ZCWPW2: variants seen among roughly 807,000 people sequenced by gnomAD.
ZCWPW2 encodes the protein zinc finger CW-type and PWWP domain containing 2.
ZCWPW2 carries 45 observed loss-of-function variants against 46.6 expected under a neutral mutation model. The ratio of observed to expected loss-of-function variants is 0.96; its 90% CI spans 0.76 to 1.24. ZCWPW2 has a LOEUF of 1.24. Ranked by LOEUF, ZCWPW2 falls within the 50% of genes most tolerant of loss-of-function variation. ZCWPW2 has a pLI of 0.00. For synonymous variants in ZCWPW2, 152 were observed against 137.1 expected, an observed-to-expected ratio of 1.11 and a Z score of -0.76; for missense variants, 429 against 403.9, an observed-to-expected ratio of 1.06 and a Z score of -0.53.
chr3:28,519,915 G>A (rs1447512762), intron 8 of ZCWPW2, among the ~76,000 whole-genome samples: 1 of 151,702 alleles, frequency 6.6e-6, no homozygotes, highest in African/African-American at 2.4e-5. Context: ...CAGTAGTTAA[G>A]TCTAGAGTTA....
intron 4 of ZCWPW2, among the ~76,000 whole-genome samples, chr3:28,462,809 T>A (rs1698690711): frequency 6.6e-6 from 1 of 152,188 alleles, no homozygotes; most frequent in Admixed American, 6.5e-5. Flanking sequence ...TTTCCTTGAA[T>A]TTTGTTACTC....
At chr3:28,356,855 G>A (rs1052555288) in intron 1 of ZCWPW2, among the ~76,000 whole-genome samples, 4 of 152,062 alleles carry the variant, frequency 2.6e-5, no homozygotes, top group African/African-American at 9.7e-5. Context: ...GGCCTGTCGT[G>A]GGGTGGGAGA....
At chr3:28,463,282 C>T (rs879425612) in intron 4 of ZCWPW2, among the ~76,000 whole-genome samples, 17 of 151,944 alleles carry the variant, frequency 1.1e-4, no homozygotes, top group African/African-American at 3.1e-4. Context: ...GATATAATAT[C>T]CTTTCTTGGA....
chr3:28,361,742 G>C (rs928023073), intron 1 of ZCWPW2, among the ~76,000 whole-genome samples: 3 of 152,054 alleles, frequency 2.0e-5, no homozygotes, highest in Non-Finnish European at 4.4e-5. Flanking sequence ...TTCTAAAGAA[G>C]ATATGCAGAT....
At chr3:28,516,481 C>G (rs558792312) in intron 8 of ZCWPW2, among the ~76,000 whole-genome samples, 19 of 152,064 alleles carry the variant, frequency 1.2e-4, no homozygotes, top group African/African-American at 4.6e-4. Flanking sequence ...ATGTGGAATG[C>G]AGGGAGAAAG....
chr3:28,471,440 T>C (rs1290921734), intron 4 of ZCWPW2, among the ~76,000 whole-genome samples: 2 of 152,088 alleles, frequency 1.3e-5, no homozygotes, highest in Admixed American at 6.6e-5. Flanking sequence ...GGATGCAGGA[T>C]TGGTTCAGCA....
intron 1 of ZCWPW2, among the ~76,000 whole-genome samples, chr3:28,350,645 A>G (rs1241515384): frequency 6.7e-6 from 1 of 148,932 alleles, no homozygotes; most frequent in African/African-American, 2.6e-5. Flanking sequence ...ATTTAGCTGC[A>G]AATGGTCACT....
At chr3:28,413,816 T>C (rs1696512584) in intron 3 of ZCWPW2, among the ~76,000 whole-genome samples, 2 of 152,158 alleles carry the variant, frequency 1.3e-5, no homozygotes, top group African/African-American at 4.8e-5. Context: ...AATTTAAATC[T>C]GTTGTAATCA....
At chr3:28,435,946 A>G (rs1220443613) in intron 4 of ZCWPW2, among the ~76,000 whole-genome samples, 1 of 152,172 alleles carries the variant, frequency 6.6e-6, no homozygotes, top group Non-Finnish European at 1.5e-5. Context: ...AAACTTAATT[A>G]TGGATTGCAA....
At chr3:28,466,682 C>T (rs1409752296) in intron 4 of ZCWPW2, among the ~76,000 whole-genome samples, 1 of 152,012 alleles carries the variant, frequency 6.6e-6, no homozygotes, top group African/African-American at 2.4e-5. Context: ...ACCTTTAGTC[C>T]CAGCTACTCG....
chr3:28,429,356 G>A lies in ZCWPW2; in HGVS notation c.333-5754G>A, dbSNP rs141366941. ...TGAGAGAGATGATTTAGGGTATCTG[G>A]TGGAAGAAATTTTAAGCAGCAATGT... is the stretch of plus-strand genomic sequence containing the variant. On this transcript the variant is annotated intron_variant, in intron 3 of 9. Transcript: ENST00000383768. Among the ~76,000 whole-genome samples, 390 of 152,266 alleles carry A rather than the reference G, an allele frequency of 2.6e-3. 1 individual carries two copies. Among genetic ancestry groups the A allele is most frequent in the African/African-American group, 8.5e-3 (352 of 41,550 alleles).
intron 6 of ZCWPW2, among the ~76,000 whole-genome samples, chr3:28,512,736 G>A: frequency 6.6e-6 from 1 of 151,490 alleles, no homozygotes; most frequent in East Asian, 1.9e-4. Flanking sequence ...TTCATCCATT[G>A]AATTTTAAAT....
At chr3:28,512,898 T>C (rs1700466916) in intron 6 of ZCWPW2, among the ~76,000 whole-genome samples, 1 of 152,178 alleles carries the variant, frequency 6.6e-6, no homozygotes, top group Non-Finnish European at 1.5e-5. Context: ...TACTTATTTT[T>C]AATTTAGGTT....
At chr3:28,353,276 C>T (rs114686219) in intron 1 of ZCWPW2, among the ~76,000 whole-genome samples, 5 of 151,858 alleles carry the variant, frequency 3.3e-5, no homozygotes, top group Non-Finnish European at 7.4e-5. Context: ...TTAATGAGGT[C>T]ACAGTATTAG....
rs200682134 is a variant in ZCWPW2 at position 28,365,628 on chromosome 3, G to A, written c.-134+16425G>A. Reference sequence around the variant, plus strand: ...TGGCTTAGGATTGACTTGGCAATGCGGGCTCTTCTTTGGTTCCATATGAAC... The same window carrying A: ...TGGCTTAGGATTGACTTGGCAATGCAGGCTCTTCTTTGGTTCCATATGAAC... On this transcript the variant is annotated intron_variant, in intron 1 of 9. Coordinates refer to ENST00000383768, the MANE Select transcript of ZCWPW2 (RefSeq NM_001040432.4). 2.3e-4 allele frequency among the ~76,000 whole-genome samples: 33 copies of A among 140,816 alleles called. 3 individuals are homozygous for A. Among genetic ancestry groups the A allele is most frequent in the African/African-American group, 7.3e-4 (29 of 39,588 alleles). 92.4% of individuals were successfully genotyped at this position (140,816 alleles called of 152,430 possible). A position where few individuals can be genotyped will look rare whatever the true frequency, so the allele number is the denominator to read the frequency against.
At chr3:28,468,628 G>C (rs1478938092) in intron 4 of ZCWPW2, among the ~76,000 whole-genome samples, 2 of 152,170 alleles carry the variant, frequency 1.3e-5, no homozygotes, top group East Asian at 3.8e-4. Context: ...AAACTGTTCA[G>C]TGGAAACCTT....
chr3:28,365,842 T>C (rs1028771469), intron 1 of ZCWPW2, among the ~76,000 whole-genome samples: 2 of 141,202 alleles, frequency 1.4e-5, no homozygotes, highest in African/African-American at 5.0e-5. Context: ...GTTTGTAGTT[T>C]TCCTTGAAGA....
intron 6 of ZCWPW2, among the ~76,000 whole-genome samples, chr3:28,499,545 A>G (rs1700086050): frequency 6.6e-6 from 1 of 152,106 alleles, no homozygotes; most frequent in Non-Finnish European, 1.5e-5. Context: ...GATTCTGGAT[A>G]TTAGCCCTTT....
chr3:28,392,929 TG>T (rs1456691888), intron 2 of ZCWPW2, among the ~76,000 whole-genome samples: 3 of 150,220 alleles, frequency 2.0e-5, no homozygotes, highest in Admixed American at 6.6e-5. Flanking sequence ...TAGCATAAGG[TG>T]GGAAATAAAG....
Sources: gnomAD v4.1 joint callset for allele counts (sites outside exome capture counted in the v4.1 genomes callset) on GRCh38, gnomAD v4.1.1 for gene constraint, MANE v1.5 for transcripts, NCBI Gene and HGNC (gene_info 2026-07-23, HGNC 2026-07-21) for gene names.